The following CCDC7 variants were observed in gnomAD, a reference collection of about 807,000 sequenced individuals.
The protein encoded by CCDC7 is coiled-coil domain-containing protein 7.
In CCDC7, 183 loss-of-function variants were observed where a neutral mutation model predicts 196.9. That is an observed-to-expected ratio of 0.93 (90% confidence interval 0.82 to 1.05). CCDC7 has a LOEUF of 1.05. CCDC7 is among the 50% of genes least tolerant of loss of function. The probability of loss-of-function intolerance (pLI) is 0.00; values close to 1 mark genes in which losing one functional copy is unlikely to be tolerated. For missense variants in CCDC7, 1,540 were observed against 1,482.2 expected (o/e 1.04, Z -0.64); for synonymous variants, 525 against 484.6 (o/e 1.08, Z -1.10).
chr10:32,821,343 A>C (rs2135593993), intron 31 of CCDC7, among the ~76,000 whole-genome samples: 1 of 152,232 alleles, frequency 6.6e-6, no homozygotes, highest in Non-Finnish European at 1.5e-5. Context: ...GAGAAATAGG[A>C]ACACTTTTAC....
chr10:32,790,258 G>A (rs11511117), intron 29 of CCDC7, among the ~76,000 whole-genome samples: 2 of 152,226 alleles, frequency 1.3e-5, no homozygotes, highest in Non-Finnish European at 2.9e-5. Context: ...TGGTGGCTCA[G>A]CCCCTGTGAC....
intron 21 of CCDC7, among the ~76,000 whole-genome samples, chr10:32,678,694 A>G (rs927902727): frequency 2.6e-5 from 4 of 152,184 alleles, no homozygotes; most frequent in Non-Finnish European, 4.4e-5. Flanking sequence ...GAAAAGTCCA[A>G]TGCTCACTTT....
At chr10:32,669,387 G>C (rs2073573273) in intron 21 of CCDC7, among the ~76,000 whole-genome samples, 1 of 152,056 alleles carries the variant, frequency 6.6e-6, no homozygotes, top group South Asian at 2.1e-4. Flanking sequence ...TATCAGTAAT[G>C]CTGGCCTCCT....
chr10:32,803,420 T>C (rs144178269), intron 29 of CCDC7, among the ~76,000 whole-genome samples: 5 of 152,312 alleles, frequency 3.3e-5, no homozygotes, highest in African/African-American at 1.2e-4. Context: ...AACTGGGTTC[T>C]CTAGGGTTAG....
At chr10:32,679,054 T>C (rs1211837898) in intron 21 of CCDC7, among the ~76,000 whole-genome samples, 1 of 152,182 alleles carries the variant, frequency 6.6e-6, no homozygotes, top group Non-Finnish European at 1.5e-5. Flanking sequence ...TATTTGGGCA[T>C]ATGTTTCATA....
intron 23 of CCDC7, 100 bp downstream of exon 24, chr10:32,689,263 A>C: frequency 1.4e-6 from 1 of 699,346 alleles, no homozygotes; most frequent in Non-Finnish European, 2.4e-6. Context: ...TTTGACTAAA[A>C]TGTGAATACC....
intron 14 of CCDC7, 85 bp downstream of exon 15, chr10:32,565,705 TG>T: frequency 6.8e-7 from 1 of 1,469,216 alleles, no homozygotes; most frequent in East Asian, 2.4e-5. Flanking sequence ...ATTTTTACTT[TG>T]TAAGCTAAGA....
At chr10:32,669,197 A>G (rs1372869640) in intron 21 of CCDC7, among the ~76,000 whole-genome samples, 1 of 152,068 alleles carries the variant, frequency 6.6e-6, no homozygotes, top group East Asian at 1.9e-4. Context: ...GTGATGTATC[A>G]CATTTATTGC....
At chr10:32,712,407 A>T (rs1387577676) in intron 25 of CCDC7, among the ~76,000 whole-genome samples, 1 of 152,200 alleles carries the variant, frequency 6.6e-6, no homozygotes, top group Non-Finnish European at 1.5e-5. Flanking sequence ...CAGGAATTTC[A>T]CTTGGGTTTT....
chr10:32,832,319 C>A (rs189161576), intron 32 of CCDC7, among the ~76,000 whole-genome samples: 29 of 152,114 alleles, frequency 1.9e-4, no homozygotes, highest in African/African-American at 7.0e-4. Context: ...GTCTGGCCAA[C>A]CTGGTGAAGC....
chr10:32,850,942 T>C (rs747445284), intron 39 of CCDC7, among the ~76,000 whole-genome samples: 6 of 151,988 alleles, frequency 3.9e-5, no homozygotes, highest in Non-Finnish European at 8.8e-5. Context: ...AGGTCACCTA[T>C]TTCACCCTTC....
chr10:32,524,100 T>A (rs892239083), intron 11 of CCDC7, among the ~76,000 whole-genome samples: 4 of 151,634 alleles, frequency 2.6e-5, no homozygotes, highest in Admixed American at 2.0e-4. Context: ...AAGGTGACTT[T>A]GTCTGGTGGT....
rs569336725 is a variant in CCDC7, at chr10:32,836,572, A to G, written c.3352+1674A>G. 1.9e-4 allele frequency among the ~76,000 whole-genome samples: 29 copies of G among 152,224 alleles called. No homozygotes were observed. In the South Asian group the frequency reaches 5.8e-3, roughly 30 times the overall value. Reference sequence around the variant, plus strand: ...GTTTCCTGACTTTTCAATGATTACCATTCTAACTGGTGTGAGATGGTATCT... The same window carrying G: ...GTTTCCTGACTTTTCAATGATTACCGTTCTAACTGGTGTGAGATGGTATCT... On this transcript the variant is annotated intron_variant, in intron 33 of 41. Transcript: ENST00000639629.
chr10:32,706,555 G>A (rs1407410399), intron 24 of CCDC7, among the ~76,000 whole-genome samples: 1 of 151,874 alleles, frequency 6.6e-6, no homozygotes, highest in African/African-American at 2.4e-5. Context: ...ACAGTCAACA[G>A]AATAGATAGA....
At chr10:32,753,022 CTAGCTTAATA>C in intron 28 of CCDC7, among the ~76,000 whole-genome samples, 1 of 152,240 alleles carries the variant, frequency 6.6e-6, no homozygotes, top group East Asian at 1.9e-4. Flanking sequence ...TGGGAAATTA[CTAGCTTAATA>C]AAATGAAGAA....
chr10:32,473,920 AT>A, intron 7 of CCDC7, 46 bp from the exon 9 acceptor site: 1 of 1,542,736 alleles, frequency 6.5e-7, no homozygotes, highest in East Asian at 2.3e-5. Flanking sequence ...ATTAGTATAT[AT>A]AATTGCCGTT....
At chr10:32,804,574 C>T (rs2085436350) in intron 29 of CCDC7, among the ~76,000 whole-genome samples, 1 of 152,028 alleles carries the variant, frequency 6.6e-6, no homozygotes, top group African/African-American at 2.4e-5. Context: ...TCATTGTTTT[C>T]AAGTTGCTAG....
At chr10:32,791,138 G>A (rs1034315928) in intron 29 of CCDC7, among the ~76,000 whole-genome samples, 2 of 152,060 alleles carry the variant, frequency 1.3e-5, no homozygotes, top group African/African-American at 4.8e-5. Flanking sequence ...GACATGGATC[G>A]CAGGTAAGGA....
chr10:32,820,078 G>C (rs2089841164), intron 31 of CCDC7, among the ~76,000 whole-genome samples: 1 of 152,170 alleles, frequency 6.6e-6, no homozygotes, highest in African/African-American at 2.4e-5. Flanking sequence ...CACTGTCTCA[G>C]TCCAAAATCT....
Sources: gnomAD v4.1 joint callset for allele counts (sites outside exome capture counted in the v4.1 genomes callset) on GRCh38, gnomAD v4.1.1 for gene constraint, MANE v1.5 for transcripts, NCBI Gene and HGNC (gene_info 2026-07-23, HGNC 2026-07-21) for gene names.